Variants in PRELID2 observed in about 807,000 individuals in gnomAD.
PRELID2 encodes PRELI domain-containing protein 2.
A neutral mutation model predicts 28.4 loss-of-function variants in PRELID2; 25 were observed. That is an observed-to-expected ratio of 0.88 (90% CI 0.64 to 1.23). PRELID2 has a LOEUF of 1.23. PRELID2 is among the 50% of genes most tolerant of loss of function. The probability of loss-of-function intolerance (pLI) is 0.00; values close to 1 mark genes in which losing one functional copy is unlikely to be tolerated. For missense variants in PRELID2, 201 were observed against 214.4 expected, an observed-to-expected ratio of 0.94 and a Z score of 0.39; for synonymous variants, 76 against 71.6, an observed-to-expected ratio of 1.06 and a Z score of -0.31.
intron 1 of PRELID2, among the ~76,000 whole-genome samples, chr5:145,640,671 A>G (rs1754092946): frequency 6.6e-6 from 1 of 151,952 alleles, no homozygotes. Context: ...AGAAGAAAAA[A>G]AAGAAAAGAA....
chr5:145,410,793 A>G, the PRELID2 span, among the ~76,000 whole-genome samples: 1 of 151,950 alleles, frequency 6.6e-6, no homozygotes, highest in African/African-American at 2.4e-5. Flanking sequence ...CCCGAATCTC[A>G]TGTCCTTACA....
At chr5:145,322,560 C>A in the PRELID2 span, among the ~76,000 whole-genome samples, 1 of 152,288 alleles carries the variant, frequency 6.6e-6, no homozygotes, top group African/African-American at 2.4e-5. Context: ...ATGCTTGGTT[C>A]TCTGCCTAGC....
At chr5:145,640,015 T>A (rs911971779) in intron 1 of PRELID2, among the ~76,000 whole-genome samples, 1 of 152,134 alleles carries the variant, frequency 6.6e-6, no homozygotes, top group African/African-American at 2.4e-5. Context: ...GGTCTGTATA[T>A]TGGCATTTGT....
At chr5:145,702,520 G>C (rs990863067) in intron 1 of PRELID2, among the ~76,000 whole-genome samples, 1 of 152,020 alleles carries the variant, frequency 6.6e-6, no homozygotes, top group African/African-American at 2.4e-5. Flanking sequence ...TGCTTTCTTT[G>C]ACATAAATTA....
chr5:145,632,256 T>C (rs1019914564), intron 1 of PRELID2, among the ~76,000 whole-genome samples: 17 of 152,274 alleles, frequency 1.1e-4, no homozygotes, highest in Admixed American at 7.9e-4. Context: ...ATGGCTACCA[T>C]TGACACCCTT....
chr5:145,337,622 C>T, the PRELID2 span, among the ~76,000 whole-genome samples: 1 of 147,684 alleles, frequency 6.8e-6, no homozygotes, highest in Non-Finnish European at 1.5e-5. Flanking sequence ...CATTCACTAG[C>T]TTATTATAAA....
intron 1 of PRELID2, among the ~76,000 whole-genome samples, chr5:145,506,872 T>C (rs1580961899): frequency 1.3e-5 from 2 of 152,232 alleles, no homozygotes; most frequent in African/African-American, 4.8e-5. Flanking sequence ...AGGCCCTCTA[T>C]GACCACCTGT....
At chr5:145,670,225 G>A (rs768486720) in intron 1 of PRELID2, among the ~76,000 whole-genome samples, 1 of 152,160 alleles carries the variant, frequency 6.6e-6, no homozygotes, top group Non-Finnish European at 1.5e-5. Context: ...GGCAAAGAGA[G>A]AGCAGGTGTG....
chr5:145,559,697 C>T (rs1752910410), intron 1 of PRELID2, among the ~76,000 whole-genome samples: 1 of 152,128 alleles, frequency 6.6e-6, no homozygotes, highest in Non-Finnish European at 1.5e-5. Flanking sequence ...TATCTTCTTG[C>T]TTCTCCTGTT....
At chr5:145,246,833 C>G in the PRELID2 span, among the ~76,000 whole-genome samples, 8 of 152,146 alleles carry the variant, frequency 5.3e-5, no homozygotes, top group Non-Finnish European at 7.4e-5. Flanking sequence ...GTAGGCCAAA[C>G]TAACCTAGGG....
chr5:145,321,468 T>C, the PRELID2 span, among the ~76,000 whole-genome samples: 1 of 152,218 alleles, frequency 6.6e-6, no homozygotes, highest in Non-Finnish European at 1.5e-5. Context: ...ACATAGCTTA[T>C]GCTGTGTAAA....
the PRELID2 span, among the ~76,000 whole-genome samples, chr5:145,422,308 G>T: frequency 1.4e-5 from 2 of 144,770 alleles, no homozygotes; most frequent in Non-Finnish European, 3.2e-5. Flanking sequence ...CTGTCTCGTT[G>T]ATGTGTCTAA....
chr5:145,817,217 AAAAATAT>A lies in PRELID2; in HGVS notation c.368+670_368+676del, dbSNP rs1561643893. Among the ~76,000 whole-genome samples, 60 of 99,640 alleles carry A rather than the reference AAAAATAT, an allele frequency of 6.0e-4. 1 individual carries two copies. Among genetic ancestry groups the A allele is most frequent in the Non-Finnish European group, 2.8e-4 (12 of 42,306 alleles). 65.4% of individuals were successfully genotyped at this position (99,640 alleles called of 152,430 possible). On this transcript the variant is annotated intron_variant, in intron 4 of 6. Transcript: ENST00000683046. ...AAAAAAAATAAATAAATAAATAAAA[AAAAATAT>A]ATATATATATATACTTTAGATAAAC...
the PRELID2 span, among the ~76,000 whole-genome samples, chr5:145,408,606 G>A: frequency 4.2e-4 from 63 of 151,464 alleles, no homozygotes; most frequent in Non-Finnish European, 8.8e-4. Context: ...TAGATCAAGT[G>A]GAAGAAAGAG....
chr5:145,508,727 T>G (rs1482573121), intron 1 of PRELID2, among the ~76,000 whole-genome samples: 1 of 152,150 alleles, frequency 6.6e-6, no homozygotes, highest in African/African-American at 2.4e-5. Flanking sequence ...ATAAGAGAAT[T>G]GTTTACATCT....
At chr5:145,820,116 GTT>G (rs778856565) in intron 2 of PRELID2, 98 bp from the exon 3 acceptor site, 15 of 540,792 alleles carry the variant, frequency 2.8e-5, no homozygotes, top group African/African-American at 4.3e-5. Flanking sequence ...TTTGTTTTTT[GTT>G]TTTTGTTTTT....
At chr5:145,834,008 G>C (rs1354435801) in intron 1 of PRELID2, among the ~76,000 whole-genome samples, 2 of 152,112 alleles carry the variant, frequency 1.3e-5, no homozygotes, top group Non-Finnish European at 1.5e-5. Flanking sequence ...AGGCCTGGGC[G>C]CTTTCGATTT....
At chr5:145,765,187 G>A (rs1475239703) in intron 5 of PRELID2, among the ~76,000 whole-genome samples, 187 bp from the exon 6 acceptor site, 4 of 151,866 alleles carry the variant, frequency 2.6e-5, no homozygotes, top group East Asian at 1.9e-4. Flanking sequence ...CATTATCTCC[G>A]CATGTGCTCA....
At chr5:145,298,336 C>G in the PRELID2 span, among the ~76,000 whole-genome samples, 1 of 152,140 alleles carries the variant, frequency 6.6e-6, no homozygotes, top group Non-Finnish European at 1.5e-5. Context: ...ACTATCTGAT[C>G]TTTGACAAAC....
Sources: gnomAD v4.1 joint callset for allele counts (sites outside exome capture counted in the v4.1 genomes callset) on GRCh38, gnomAD v4.1.1 for gene constraint, MANE v1.5 for transcripts, NCBI Gene and HGNC (gene_info 2026-07-23, HGNC 2026-07-21) for gene names.